OTOGL: variants seen among roughly 807,000 people sequenced by gnomAD.
The protein encoded by OTOGL is otogelin-like protein.
A neutral mutation model predicts 318.5 loss-of-function variants in OTOGL; 285 were observed. The observed-to-expected ratio is 0.89, with a 90% CI of 0.81 to 0.99. The LOEUF (loss-of-function observed/expected upper bound fraction) is 0.99, where lower values mean the gene tolerates loss of function less well. Among genes scored for constraint, OTOGL ranks in the 50% least tolerant of loss-of-function variants. The pLI, the probability that OTOGL is intolerant of heterozygous loss-of-function variation, is 0.00. For synonymous variants in OTOGL, 987 were observed against 936.5 expected, an observed-to-expected ratio of 1.05 and a Z score of -0.99; for missense variants, 2,899 against 2,845.6, an observed-to-expected ratio of 1.02 and a Z score of -0.43.
At chr12:80,240,201 T>C (rs1219870948) in intron 11 of OTOGL, among the ~76,000 whole-genome samples, 1 of 152,126 alleles carries the variant, frequency 6.6e-6, no homozygotes, top group Non-Finnish European at 1.5e-5. Context: ...AGTGCAAATA[T>C]CTCTTCCATA....
chr12:80,262,019 G>A lies in OTOGL; in HGVS notation c.1940G>A (p.Trp647Ter), dbSNP rs377708973. 9.5e-5 allele frequency: 154 copies of A among 1,612,996 alleles called. 1 individual carries two copies. The highest frequency in any genetic ancestry group is 2.8e-4 in the Admixed American group (17 of 59,854). Residue 647 changes from tryptophan (W) to a stop codon, truncating the protein, a stop_gained, in exon 19 of 59, where the codon TGG (tryptophan) becomes TAG (stop). Coordinates refer to ENST00000547103, the MANE Select transcript of OTOGL (RefSeq NM_001378609.3). LOFTEE classifies it high-confidence loss of function. ...ACACCACAACTTCACGCAAATGCGT[G>A]GAGAGTTTCTTCTACCTGTTTTGCA... ...EGTPQLHANA[W>*]RVSSTCFAPV...
intron 28 of OTOGL, among the ~76,000 whole-genome samples, chr12:80,304,727 C>T (rs1037777262): frequency 1.3e-5 from 2 of 152,086 alleles, no homozygotes; most frequent in Non-Finnish European, 2.9e-5. Context: ...CATCTGATAT[C>T]CTTGTTTCCA....
intron 8 of OTOGL, among the ~76,000 whole-genome samples, chr12:80,231,187 T>C (rs1879326110): frequency 6.6e-6 from 1 of 152,202 alleles, no homozygotes; most frequent in African/African-American, 2.4e-5. Flanking sequence ...TTAAGTATAG[T>C]TTTTATAAAC....
intron 26 of OTOGL, among the ~76,000 whole-genome samples, chr12:80,295,561 AGT>A (rs1002196836): frequency 6.6e-6 from 1 of 152,178 alleles, no homozygotes; most frequent in Non-Finnish European, 1.5e-5. Flanking sequence ...AGATTCAGGA[AGT>A]GTGTGTGGGC....
intron 52 of OTOGL, chr12:80,366,325 G>T (rs763579715): frequency 4.4e-6 from 2 of 456,662 alleles, no homozygotes; most frequent in South Asian, 3.1e-5. Context: ...AGCAGATCAA[G>T]AACATTTCCA....
chr12:80,317,085 A>G (rs896949043), intron 32 of OTOGL, among the ~76,000 whole-genome samples: 1 of 152,188 alleles, frequency 6.6e-6, no homozygotes, highest in Non-Finnish European at 1.5e-5. Flanking sequence ...GTGTTCATTT[A>G]TATGACTTTT....
chr12:80,323,585 G>C (rs1190190997), intron 34 of OTOGL, 138 bp from the exon 35 acceptor site: 2 of 649,962 alleles, frequency 3.1e-6, no homozygotes, highest in Admixed American at 2.7e-5. Context: ...GGAGGCAGAG[G>C]TTGTGGTGAA....
At position 80,262,248 on chromosome 12, in the gene OTOGL, T is replaced by G. The variant is rs1007196760; in HGVS notation, c.2014+155T>G. Among the ~76,000 whole-genome samples the G allele has an allele frequency of 1.6e-4, 24 of 152,138 alleles. 1 individual carries two copies. Among genetic ancestry groups the G allele is most frequent in the Non-Finnish European group, 4.4e-5 (3 of 68,026 alleles). ...TCGTGTATTTTTTTTTTGCTTAATA[T>G]TATGCCTTTACATATGTCTTTTCAT... On this transcript the variant is annotated intron_variant, in intron 19 of 58. Coordinates refer to ENST00000547103, the MANE Select transcript of OTOGL (RefSeq NM_001378609.3).
At chr12:80,209,311 C>G (rs1010353403) in intron 1 of OTOGL, 102 bp from the exon 2 acceptor site, 8 of 581,790 alleles carry the variant, frequency 1.4e-5, no homozygotes, top group African/African-American at 5.7e-5. Context: ...TTTTGAATTA[C>G]TTTATTACAT....
intron 27 of OTOGL, among the ~76,000 whole-genome samples, chr12:80,301,272 A>G (rs888310175): frequency 6.6e-6 from 1 of 152,214 alleles, no homozygotes; most frequent in African/African-American, 2.4e-5. Flanking sequence ...CAATATAGCC[A>G]TGTGTTGCCC....
At chr12:80,117,595 T>G (rs1870244344) in intron 1 of OTOGL, among the ~76,000 whole-genome samples, 1 of 152,182 alleles carries the variant, frequency 6.6e-6, no homozygotes, top group African/African-American at 2.4e-5. Context: ...GCCAGAATAA[T>G]CTCCTTAAAG....
intron 4 of OTOGL, among the ~76,000 whole-genome samples, chr12:80,214,529 C>A (rs1291576487): frequency 2.0e-5 from 3 of 152,090 alleles, no homozygotes; most frequent in Non-Finnish European, 4.4e-5. Context: ...GCACAGAAAT[C>A]CAGATGAATT....
intron 4 of OTOGL, among the ~76,000 whole-genome samples, chr12:80,214,018 G>C (rs972253667): frequency 3.9e-5 from 6 of 152,240 alleles, no homozygotes; most frequent in African/African-American, 1.4e-4. Context: ...GTGTGCTGCA[G>C]TGATTTCCCA....
chr12:80,167,608 A>ATG (rs1873908189), intron 1 of OTOGL, among the ~76,000 whole-genome samples: 1 of 152,132 alleles, frequency 6.6e-6, no homozygotes, highest in Non-Finnish European at 1.5e-5. Flanking sequence ...TCTTCTAGGA[A>ATG]TGTTCATCTG....
intron 27 of OTOGL, 106 bp downstream of exon 27, chr12:80,297,067 T>C: frequency 9.2e-7 from 1 of 1,086,692 alleles, no homozygotes; most frequent in Non-Finnish European, 1.2e-6. Context: ...TCATGAGATC[T>C]ATGTTGTGTT....
At chr12:80,103,553 T>C (rs563692716) in intron 1 of OTOGL, among the ~76,000 whole-genome samples, 1 of 152,346 alleles carries the variant, frequency 6.6e-6, no homozygotes, top group African/African-American at 2.4e-5. Context: ...ATCACTCTAC[T>C]TCTCTTTCAT....
At chr12:80,329,869 A>G (rs560205729) in intron 37 of OTOGL, among the ~76,000 whole-genome samples, 6 of 152,242 alleles carry the variant, frequency 3.9e-5, no homozygotes, top group African/African-American at 1.4e-4. Context: ...CCCTACCCTA[A>G]AACTGCTGAT....
rs1371314789 is a variant in OTOGL, at chr12:80,356,416, G to A, written c.5807G>A (p.Gly1936Glu). The change falls in exon 48 of 59, where the codon GGA becomes GAA. Residue 1936 changes from glycine to glutamate, a missense_variant and splice_region_variant. By Grantham distance (98) the Gly-to-Glu change is moderately conservative (BLOSUM62 -2). This residue lies in a region of OTOGL where 2,607 missense variants were observed against 2,524.9 expected (regional missense o/e 1.03). Coordinates refer to ENST00000547103, the MANE Select transcript of OTOGL (RefSeq NM_001378609.3). ...TTTTAACAGTTTTTCTTATTTATAG[G>A]ATGTGACACGACTTTGTGTGAAACT... ...KWTCCSKEVCGCDTTLCETSI... is the reference protein window; with the variant it reads ...KWTCCSKEVCECDTTLCETSI... 1 of 1,605,380 alleles carries A rather than the reference G, an allele frequency of 6.2e-7. No homozygotes were observed.
At chr12:80,250,666 G>T (rs531141943) in intron 11 of OTOGL, among the ~76,000 whole-genome samples, 1 of 152,304 alleles carries the variant, frequency 6.6e-6, no homozygotes, top group Non-Finnish European at 1.5e-5. Flanking sequence ...TAGATAAGCT[G>T]CAGGACTCCC....
Sources: allele counts gnomAD v4.1 joint callset (sites outside exome capture counted in the v4.1 genomes callset), GRCh38; gene constraint gnomAD v4.1.1; regional missense constraint gnomAD v4.1.1; transcripts MANE v1.5; gene names NCBI Gene and HGNC (gene_info 2026-07-23, HGNC 2026-07-21).